OCSTAMP: variants seen among roughly 807,000 people sequenced by gnomAD.
OCSTAMP encodes the protein transmembrane protein C20orf123.
In OCSTAMP, 17 loss-of-function variants were observed where a neutral mutation model predicts 25.2. That is an observed-to-expected ratio of 0.68 (90% CI 0.46 to 1.01). OCSTAMP has a LOEUF of 1.01. Ranked by LOEUF, OCSTAMP falls within the 50% of genes least tolerant of loss-of-function variation. The pLI, the probability that OCSTAMP is intolerant of heterozygous loss-of-function variation, is 0.00. For missense variants in OCSTAMP, 664 were observed against 694.6 expected (o/e 0.96, Z 0.50); for synonymous variants, 345 against 318.9 (o/e 1.08, Z -0.87).
At chr20:46,546,423 C>T in intron 1 of OCSTAMP, 94 bp from the exon 2 acceptor site, 1 of 1,111,418 alleles carries the variant, frequency 9.0e-7, no homozygotes, top group Non-Finnish European at 1.3e-6. Flanking sequence ...TCACCAGGCT[C>T]TGCTAACAGA....
Position 46,546,234 on chromosome 20 carries a change from T to C in OCSTAMP, c.140A>G (p.Gln47Arg), listed in dbSNP as rs1158124032. The C allele has an allele frequency of 5.8e-6, 9 of 1,551,302 alleles. No homozygotes were observed. The highest frequency in any genetic ancestry group is 2.7e-5 in the African/African-American group (2 of 73,036). The change falls in exon 2 of 3, where the codon CAG (glutamine) becomes CGG (arginine). Residue 47 changes from glutamine (Q) to arginine (R), a missense_variant. Transcript: ENST00000279028. Reference protein sequence around the residue: ...FSQPVPASCGQLLTQLLLCAS... With the variant: ...FSQPVPASCGRLLTQLLLCAS... ...ACACAGGAGGAGCTGGGTCAGCAGC[T>C]GGCCACAGCTGGCTGGAACAGGCTG...
intron 2 of OCSTAMP, among the ~76,000 whole-genome samples, chr20:46,543,307 T>TTCCTTCCTTTCTTTCTTTCTTTCTTTCC (rs2061841451): frequency 1.4e-5 from 2 of 139,288 alleles, no homozygotes; most frequent in Admixed American, 7.3e-5. Context: ...TTCTCTTTCC[T>TTCCTTCCTTTCTTTCTTTCTTTCTTTCC]TTCTTTCTTT....
At chr20:46,547,274 G>A (rs968546054) in intron 1 of OCSTAMP, among the ~76,000 whole-genome samples, 3 of 152,180 alleles carry the variant, frequency 2.0e-5, no homozygotes, top group African/African-American at 4.8e-5. Context: ...TTTTGACGAC[G>A]TGGTTGGAAA....
At chr20:46,549,259 G>A (rs847077) in intron 1 of OCSTAMP, among the ~76,000 whole-genome samples, 88,257 of 151,958 alleles carry the variant, frequency 0.58, 25,910 homozygotes, top group East Asian at 0.69. Flanking sequence ...GCACAGAAGA[G>A]GGATCCTATA....
intron 1 of OCSTAMP, among the ~76,000 whole-genome samples, chr20:46,549,228 A>C (rs575823753): frequency 1.2e-4 from 18 of 152,308 alleles, no homozygotes; most frequent in African/African-American, 3.8e-4. Flanking sequence ...AATCCATGTA[A>C]AGAAGTTTAC....
At chr20:46,549,471 G>T (rs907664464) in intron 1 of OCSTAMP, among the ~76,000 whole-genome samples, 1 of 152,196 alleles carries the variant, frequency 6.6e-6, no homozygotes, top group Non-Finnish European at 1.5e-5. Flanking sequence ...AAAGAATTCT[G>T]AGCATAGTAT....
In OCSTAMP at chr20:46,543,744, G is replaced by A. The variant is rs567024273; in HGVS notation, c.1047+1583C>T. ...ATACAATAAAAATTCTAAATGATAA[G>A]AAAGCATTGTGTCAAGGTTGAATTG... On this transcript the variant is annotated intron_variant, in intron 2 of 2. Coordinates refer to ENST00000279028, the MANE Select transcript of OCSTAMP (RefSeq NM_080721.3). Among the ~76,000 whole-genome samples, 30 of 152,298 alleles carry A rather than the reference G, an allele frequency of 2.0e-4. 1 individual carries two copies. Among genetic ancestry groups the A allele is most frequent in the South Asian group, 1.5e-3 (7 of 4,826 alleles).
chr20:46,542,767 C>T (rs2061838556), intron 2 of OCSTAMP, among the ~76,000 whole-genome samples: 1 of 152,064 alleles, frequency 6.6e-6, no homozygotes, highest in African/African-American at 2.4e-5. Flanking sequence ...ACCATTTGAA[C>T]TTTGGAACCA....
chr20:46,543,409 A>G (rs1296747145), intron 2 of OCSTAMP, among the ~76,000 whole-genome samples: 1 of 149,790 alleles, frequency 6.7e-6, no homozygotes, highest in African/African-American at 2.5e-5. Context: ...ATTCACTGCA[A>G]ACTTTGCCTC....
At chr20:46,544,802 G>A (rs150638285) in intron 2 of OCSTAMP, among the ~76,000 whole-genome samples, 2 of 152,286 alleles carry the variant, frequency 1.3e-5, no homozygotes, top group East Asian at 3.9e-4. Flanking sequence ...AAACCAAGAA[G>A]CCATTGGATT....
intron 1 of OCSTAMP, 120 bp downstream of exon 1, chr20:46,550,397 T>A: frequency 1.3e-6 from 1 of 785,386 alleles, no homozygotes; most frequent in Non-Finnish European, 2.1e-6. Flanking sequence ...ACTGAGGATT[T>A]GCCTAAGGTC....
chr20:46,545,771 G>A lies in OCSTAMP; in HGVS notation c.603C>T (p.Leu201=). The A allele has an allele frequency of 6.4e-7, 1 of 1,551,518 alleles. No homozygotes were observed. Among genetic ancestry groups the A allele is most frequent in the South Asian group, 1.2e-5 (1 of 84,062 alleles). ...DNGSAFYLHM[L]RVTQQVLEDF... is the part of the protein sequence containing the mutation. ...CCTCCAGGACCTGCTGAGTGACCCT[G>A]AGCATGTGAAGGTAGAAGGCAGAGC... Residue 201 remains leucine (L), a synonymous_variant, in exon 2 of 3, where the codon CTC becomes CTT. Coordinates refer to ENST00000279028, the MANE Select transcript of OCSTAMP (RefSeq NM_080721.3).
In OCSTAMP at chr20:46,541,078, C is replaced by T. The variant is rs762290625; in HGVS notation, c.*196G>A. The T allele has an allele frequency of 5.8e-4, 329 of 562,852 alleles. 1 individual carries two copies. Among genetic ancestry groups the T allele is most frequent in the South Asian group, 6.5e-4 (25 of 38,230 alleles). The allele number at this position is 562,852 out of a possible 1,614,324, so 34.9% of individuals were successfully genotyped here. On this transcript the variant is annotated 3_prime_UTR_variant, in exon 3 of 3. Transcript: ENST00000279028. ...TTTATAAAATTAAAACTATGGGTTACTATAAATGAGTTTAGAGGATTTTGA... is the reference window on the plus strand; with the variant it reads ...TTTATAAAATTAAAACTATGGGTTATTATAAATGAGTTTAGAGGATTTTGA...
intron 1 of OCSTAMP, among the ~76,000 whole-genome samples, chr20:46,549,479 T>A (rs921555735): frequency 6.6e-6 from 1 of 152,154 alleles, no homozygotes; most frequent in African/African-American, 2.4e-5. Flanking sequence ...CTGAGCATAG[T>A]ATGCCTGGGC....
Position 46,545,842 on chromosome 20 carries a change from C to T in OCSTAMP, c.532G>A (p.Gly178Ser), listed in dbSNP as rs773756117. 3.5e-5 allele frequency: 54 copies of T among 1,551,254 alleles called. No individual in the cohort carries two copies. The South Asian group carries it at 6.3e-4, about 18-fold the overall frequency. The change falls in exon 2 of 3, where the codon GGC becomes AGC. Residue 178 changes from glycine to serine, a missense_variant. By Grantham distance (56) the Gly-to-Ser change is moderately conservative. Transcript: ENST00000279028. The stretch of plus-strand genomic sequence containing the variant: ...GTCAGGCCCCGGCTGCCTGCCTGGC[C>T]TGTGGGGCCCAGAGCCCTGGATGCT... ...HAASRALGPT[G>S]QAGSRGLTFE...
Position 46,545,678 on chromosome 20 carries a change from C to G in OCSTAMP, c.696G>C (p.Leu232=), listed in dbSNP as rs1166776284. 3 of 1,551,654 alleles carry G rather than the reference C, an allele frequency of 1.9e-6. No individual in the cohort carries two copies. Among genetic ancestry groups the G allele is most frequent in the Non-Finnish European group, 1.7e-6 (2 of 1,146,950 alleles). ...ALGTQRVVTG[L]FMLGLLVESA... ...ACTCCACCAGGAGGCCCAACATAAACAGCCCTGTGACCACTCGCTGGGTCC... is the reference window on the plus strand; with the variant it reads ...ACTCCACCAGGAGGCCCAACATAAAGAGCCCTGTGACCACTCGCTGGGTCC... The change falls in exon 2 of 3, where the codon CTG becomes CTC. Residue 232 remains leucine, a synonymous_variant. Coordinates refer to ENST00000279028, the MANE Select transcript of OCSTAMP (RefSeq NM_080721.3).
In OCSTAMP at chr20:46,546,089, G is replaced by C; in HGVS notation, c.285C>G (p.Ser95Arg). Residue 95 changes from serine to arginine, a missense_variant, in exon 2 of 3, where the codon AGC becomes AGG. Transcript: ENST00000279028. ...ATVCGLLVFLSLGLVPPVRCL... is the reference protein window; with the variant it reads ...ATVCGLLVFLRLGLVPPVRCL... ...AGCGGACTGGGGGTACCAGGCCCAGGCTCAGGAAGACCAGGAGGCCACAGA... is the reference window on the plus strand; with the variant it reads ...AGCGGACTGGGGGTACCAGGCCCAGCCTCAGGAAGACCAGGAGGCCACAGA... 1.3e-6 allele frequency: 2 copies of C among 1,551,692 alleles called. No homozygotes were observed. Among genetic ancestry groups the C allele is most frequent in the South Asian group, 1.2e-5 (1 of 84,060 alleles).
At position 46,545,818 on chromosome 20, in the gene OCSTAMP, T is replaced by A; in HGVS notation, c.556A>T (p.Thr186Ser). The change falls in exon 2 of 3, where the codon ACA becomes TCA. Residue 186 changes from threonine to serine, a missense_variant. By Grantham distance (58) the Thr-to-Ser change is moderately conservative. Coordinates refer to ENST00000279028, the MANE Select transcript of OCSTAMP (RefSeq NM_080721.3). ...PTGQAGSRGL[T>S]FEAQDNGSAF... ...GAGCCATTGTCCTGGGCCTCAAATG[T>A]CAGGCCCCGGCTGCCTGCCTGGCCT... The A allele has an allele frequency of 1.3e-6, 2 of 1,551,298 alleles. No homozygotes were observed. Among genetic ancestry groups the A allele is most frequent in the Non-Finnish European group, 1.7e-6 (2 of 1,146,990 alleles).
At position 46,541,857 on chromosome 20, in the gene OCSTAMP, G is replaced by A; in HGVS notation, c.1118C>T (p.Ser373Phe). ...NQLAPESPFL[S>F]VHSSYQWELR... Reference sequence around the variant, plus strand: ...CTCCCATTGGTAGGAGCTGTGGACGGAGAGGAAGGGGCTCTCCGGAGCCAG... The same window carrying A: ...CTCCCATTGGTAGGAGCTGTGGACGAAGAGGAAGGGGCTCTCCGGAGCCAG... The change falls in exon 3 of 3, where the codon TCC becomes TTC. Residue 373 changes from serine (S) to phenylalanine (F), a missense_variant. By Grantham distance (155) the Ser-to-Phe change is radical. Coordinates refer to ENST00000279028, the MANE Select transcript of OCSTAMP (RefSeq NM_080721.3). The A allele has an allele frequency of 2.7e-6, 4 of 1,471,154 alleles. No individual in the cohort carries two copies. The East Asian group carries it at 7.5e-5, about 28-fold the overall frequency. 91.1% of individuals were successfully genotyped at this position (1,471,154 alleles called of 1,614,324 possible).
Sources: gnomAD v4.1 joint callset for allele counts (sites outside exome capture counted in the v4.1 genomes callset) on GRCh38, gnomAD v4.1.1 for gene constraint, MANE v1.5 for transcripts, NCBI Gene and HGNC (gene_info 2026-07-23, HGNC 2026-07-21) for gene names.